Variants in TRPS1 observed in about 807,000 individuals in gnomAD.
TRPS1 encodes the protein transcriptional repressor GATA binding 1.
Under a neutral mutation model 101.2 loss-of-function variants are expected in TRPS1, and 6 were observed. The ratio of observed to expected loss-of-function variants is 0.06; its 90% CI spans 0.03 to 0.12. TRPS1 has a LOEUF of 0.12. Ranked by LOEUF, TRPS1 falls within the 10% of genes least tolerant of loss-of-function variation. The probability of loss-of-function intolerance (pLI) is 1.00; values close to 1 mark genes in which losing one functional copy is unlikely to be tolerated. For missense variants in TRPS1, 1,363 were observed against 1,567.0 expected (o/e 0.87, Z 2.20); for synonymous variants, 578 against 589.8 (o/e 0.98, Z 0.29).
intron 1 of TRPS1, among the ~76,000 whole-genome samples, chr8:115,659,855 T>A (rs968276992): frequency 1.3e-5 from 2 of 151,942 alleles, no homozygotes; most frequent in Admixed American, 6.6e-5. Context: ...TTGGGATGCA[T>A]TAAGTAATTA....
intron 5 of TRPS1, among the ~76,000 whole-genome samples, chr8:115,527,365 A>G (rs933187008): frequency 6.6e-6 from 1 of 152,122 alleles, no homozygotes; most frequent in Non-Finnish European, 1.5e-5. Flanking sequence ...AAGGTGAAAT[A>G]GCTTAACTCC....
chr8:115,496,634 A>C (rs923251074), intron 5 of TRPS1, among the ~76,000 whole-genome samples: 3 of 152,174 alleles, frequency 2.0e-5, no homozygotes, highest in Non-Finnish European at 4.4e-5. Context: ...AAATTAAACT[A>C]ATTTACTGGT....
chr8:115,429,686 GGTGA>G (rs1813273153), intron 5 of TRPS1, among the ~76,000 whole-genome samples: 1 of 152,058 alleles, frequency 6.6e-6, no homozygotes, highest in Non-Finnish European at 1.5e-5. Context: ...CAAAACTCCT[GGTGA>G]GTGAGATTTT....
chr8:115,659,212 T>C (rs749999613), intron 1 of TRPS1, among the ~76,000 whole-genome samples: 1 of 151,848 alleles, frequency 6.6e-6, no homozygotes, highest in South Asian at 2.1e-4. Context: ...CTACAGAAAA[T>C]AGTATTTCAT....
At chr8:115,587,709 G>T in intron 4 of TRPS1, 105 bp from the exon 5 acceptor site, 2 of 1,575,850 alleles carry the variant, frequency 1.3e-6, no homozygotes, top group Non-Finnish European at 1.7e-6. Flanking sequence ...ATGCAATATA[G>T]TAGGTAGAAA....
At chr8:115,561,468 G>A (rs1425731047) in intron 5 of TRPS1, among the ~76,000 whole-genome samples, 2 of 139,338 alleles carry the variant, frequency 1.4e-5, no homozygotes, top group Non-Finnish European at 2.9e-5. Context: ...CCTTAATCTT[G>A]TGTTTTTTTT....
intron 5 of TRPS1, among the ~76,000 whole-genome samples, chr8:115,520,834 C>T (rs768087459): frequency 1.3e-4 from 20 of 151,828 alleles, no homozygotes; most frequent in Non-Finnish European, 2.5e-4. Flanking sequence ...CAGAAGGTCA[C>T]GTTCCTCTGA....
chr8:115,478,626 A>G (rs1203697918), intron 5 of TRPS1, among the ~76,000 whole-genome samples: 2 of 151,988 alleles, frequency 1.3e-5, no homozygotes, highest in African/African-American at 4.8e-5. Context: ...CAACATGGTG[A>G]AACCCCATCT....
rs373700041 is a variant in TRPS1, at chr8:115,458,748, T to C, written c.2701-40296A>G. 1.6e-3 allele frequency among the ~76,000 whole-genome samples: 242 copies of C among 152,318 alleles called. 8 individuals carry two copies. In the South Asian group the frequency reaches 0.046, roughly 29 times the overall value. On this transcript the variant is annotated intron_variant, in intron 5 of 6. Transcript: ENST00000395715. ...CAGCATGGCAGGCTACTGTATTCCA[T>C]GAATAAACCACTGGGGCATGCCGTG...
intron 1 of TRPS1, among the ~76,000 whole-genome samples, chr8:115,649,519 A>G (rs1417112061): frequency 1.3e-5 from 2 of 152,168 alleles, no homozygotes; most frequent in South Asian, 4.1e-4. Context: ...AAGTGAAGAC[A>G]ACATACAGCA....
chr8:115,455,426 T>C (rs940458616), intron 5 of TRPS1, among the ~76,000 whole-genome samples: 6 of 152,218 alleles, frequency 3.9e-5, no homozygotes, highest in Non-Finnish European at 7.3e-5. Flanking sequence ...TTTCTGTGGT[T>C]CTGCATGAGT....
intron 1 of TRPS1, among the ~76,000 whole-genome samples, chr8:115,634,842 A>G (rs1031446866): frequency 2.0e-5 from 3 of 151,796 alleles, no homozygotes; most frequent in Admixed American, 2.0e-4. Flanking sequence ...GCAGCCTACT[A>G]AGTGTTTACC....
Position 115,587,623 on chromosome 8 carries a change from G to C in TRPS1, c.2097-19C>G, listed in dbSNP as rs1247933424. On this transcript the variant is annotated intron_variant, in intron 4 of 6. Transcript: ENST00000395715. ...TGCTCTCCTGGAGAAGAAGAAAACAGTTACTGCAAAGACAGCGTTCTGAAG... is the reference window on the plus strand; with the variant it reads ...TGCTCTCCTGGAGAAGAAGAAAACACTTACTGCAAAGACAGCGTTCTGAAG... 6.2e-7 allele frequency: 1 copy of C among 1,613,864 alleles called. No individual in the cohort carries two copies.
chr8:115,611,495 CA>C (rs1818163459), intron 3 of TRPS1, among the ~76,000 whole-genome samples: 1 of 152,126 alleles, frequency 6.6e-6, no homozygotes, highest in African/African-American at 2.4e-5. Flanking sequence ...AAAAAGACAA[CA>C]ACAATGGAAA....
At chr8:115,622,831 G>A (rs1450254405) in intron 2 of TRPS1, among the ~76,000 whole-genome samples, 1 of 152,030 alleles carries the variant, frequency 6.6e-6, no homozygotes, top group Admixed American at 6.6e-5. Context: ...ATGAGAAAAT[G>A]GTTTATGCCC....
At chr8:115,583,767 A>G (rs2130434582) in intron 5 of TRPS1, among the ~76,000 whole-genome samples, 1 of 152,176 alleles carries the variant, frequency 6.6e-6, no homozygotes, top group South Asian at 2.1e-4. Flanking sequence ...AGGCATATGC[A>G]ACTGAAAATT....
At chr8:115,548,887 C>T (rs1250705513) in intron 5 of TRPS1, among the ~76,000 whole-genome samples, 1 of 152,170 alleles carries the variant, frequency 6.6e-6, no homozygotes, top group South Asian at 2.1e-4. Flanking sequence ...AAATCCTGAT[C>T]TCCTTTTTCT....
chr8:115,637,888 A>AGTGTTTTATTCTAGCCCC (rs1818806314), intron 1 of TRPS1, among the ~76,000 whole-genome samples: 1 of 152,188 alleles, frequency 6.6e-6, no homozygotes, highest in Non-Finnish European at 1.5e-5. Flanking sequence ...GACTGTACTT[A>AGTGTTTTATTCTAGCCCC]GTGTTTTATT....
rs563699763 is a variant in TRPS1 at position 115,417,195 on chromosome 8, C to T, written c.2823+1135G>A. On this transcript the variant is annotated intron_variant, in intron 6 of 6. Transcript: ENST00000395715. Reference sequence around the variant, plus strand: ...AATTAAAATCATTAATGTCAGTTCCCATTAAATAGAAACTTATTGCTATGC... The same window carrying T: ...AATTAAAATCATTAATGTCAGTTCCTATTAAATAGAAACTTATTGCTATGC... Among the ~76,000 whole-genome samples, 618 of 152,022 alleles carry T rather than the reference C, an allele frequency of 4.1e-3. 5 individuals are homozygous for T. The highest frequency in any genetic ancestry group is 7.1e-3 in the Non-Finnish European group (484 of 67,982).
Sources: gnomAD v4.1 joint callset for allele counts (sites outside exome capture counted in the v4.1 genomes callset) on GRCh38, gnomAD v4.1.1 for gene constraint, MANE v1.5 for transcripts, NCBI Gene and HGNC (gene_info 2026-07-23, HGNC 2026-07-21) for gene names.